PRODH2: variants seen among roughly 807,000 people sequenced by gnomAD.
The protein encoded by PRODH2 is proline dehydrogenase 2, also known as hydroxyproline dehydrogenase.
Under a neutral mutation model 51.9 loss-of-function variants are expected in PRODH2, and 49 were observed. The observed-to-expected ratio is 0.94, with a 90% confidence interval of 0.75 to 1.20. The LOEUF is 1.20. Ranked by LOEUF, PRODH2 falls within the 50% of genes most tolerant of loss-of-function variation. PRODH2 has a pLI of 0.00. For missense variants in PRODH2, 597 were observed against 610.9 expected (o/e 0.98, Z 0.24); for synonymous variants, 249 against 260.7 (o/e 0.96, Z 0.43).
Position 35,802,218 on chromosome 19 carries a change from T to A in PRODH2, c.1171A>T (p.Met391Leu). The A allele has an allele frequency of 1.2e-6, 2 of 1,614,134 alleles. No homozygotes were observed. The highest frequency in any genetic ancestry group is 8.5e-7 in the Non-Finnish European group (1 of 1,180,034). ...AGTGCTAGAGAGACGTGGTCACACA[T>A]GCCCAGAAGTTGTCCGAAACAGACA... The part of the protein sequence containing the change: ...GTVCFGQLLG[M>L]CDHVSLALGQ... Residue 391 changes from methionine to leucine, a missense_variant, in exon 9 of 10, where the codon ATG becomes TTG. Transcript: ENST00000653904.
chr19:35,800,362 C>T (rs1972401543), intron 9 of PRODH2, 140 bp from the exon 10 acceptor site: 1 of 748,298 alleles, frequency 1.3e-6, no homozygotes, highest in Non-Finnish European at 2.0e-6. Flanking sequence ...GATTCTCATG[C>T]CTCAGCCTCC....
chr19:35,801,207 G>A (rs1339034624), intron 9 of PRODH2, among the ~76,000 whole-genome samples: 1 of 152,082 alleles, frequency 6.6e-6, no homozygotes, highest in Non-Finnish European at 1.5e-5. Flanking sequence ...GCTCACGCCT[G>A]TAATCCCAGC....
intron 4 of PRODH2, among the ~76,000 whole-genome samples, chr19:35,808,447 G>A (rs371377188): frequency 2.6e-4 from 40 of 152,250 alleles, no homozygotes; most frequent in Middle Eastern, 3.4e-3. Flanking sequence ...CCTTCCGCAT[G>A]GTGGGGAGAA....
At position 35,802,182 on chromosome 19, in the gene PRODH2, T is replaced by C; in HGVS notation, c.1198+9A>G. The C allele has an allele frequency of 6.2e-7, 1 of 1,613,506 alleles. No individual in the cohort carries two copies. Among genetic ancestry groups the C allele is most frequent in the Non-Finnish European group, 8.5e-7 (1 of 1,179,604 alleles). On this transcript the variant is annotated intron_variant, in intron 9 of 9. Transcript: ENST00000653904. The stretch of plus-strand genomic sequence containing the variant: ...GGGCTTGATGGGGGTGGGGGAGCCA[T>C]TCACATACCCAGTGCTAGAGAGACG...
rs111898518 is a variant in PRODH2 at position 35,804,263 on chromosome 19, C to T, written c.1002-1185G>A. Among the ~76,000 whole-genome samples the T allele has an allele frequency of 3.9e-3, 597 of 152,278 alleles. 3 individuals carry two copies. The highest frequency in any genetic ancestry group is 0.014 in the Middle Eastern group (4 of 294). On this transcript the variant is annotated intron_variant, in intron 7 of 9. Transcript: ENST00000653904. ...AGTGCAGTGGCGTGATCTCGGCTCACGGAATCCTCCAACTCCTGGGCTCAA... is the reference window on the plus strand; with the variant it reads ...AGTGCAGTGGCGTGATCTCGGCTCATGGAATCCTCCAACTCCTGGGCTCAA...
chr19:35,812,176 G>A lies in PRODH2; in HGVS notation c.468C>T (p.Leu156=), dbSNP rs762865720. 2.5e-6 allele frequency: 4 copies of A among 1,614,172 alleles called. No homozygotes were observed. The South Asian group carries it at 4.4e-5, about 18-fold the overall frequency. The change falls in exon 3 of 10, where the codon CTC becomes CTT. Residue 156 remains leucine (L), a synonymous_variant. Transcript: ENST00000653904. ...TCAGCGCCGTCACCTTCAGCTGCAT[G>A]AGGCTGGCCTCAGCCAGGCTGGGGG... ...LEPPSLAEAS[L]MQLKVTALTS...
intron 4 of PRODH2, among the ~76,000 whole-genome samples, chr19:35,808,537 G>C (rs892964153): frequency 6.6e-6 from 1 of 151,992 alleles, no homozygotes; most frequent in African/African-American, 2.4e-5. Flanking sequence ...TCTCCTGCTT[G>C]ACTTGGGGCG....
At chr19:35,800,412 C>T (rs901609235) in intron 9 of PRODH2, among the ~76,000 whole-genome samples, 190 bp from the exon 10 acceptor site, 1 of 152,150 alleles carries the variant, frequency 6.6e-6, no homozygotes, top group East Asian at 1.9e-4. Context: ...CGACGCCCGG[C>T]TCATTTTTGT....
chr19:35,812,024 T>G lies in PRODH2; in HGVS notation c.535A>C (p.Arg179=), dbSNP rs764683391. The G allele has an allele frequency of 6.2e-7, 1 of 1,614,200 alleles. No individual in the cohort carries two copies. Among genetic ancestry groups the G allele is most frequent in the African/African-American group, 1.3e-5 (1 of 75,062 alleles). ...LCKELASWVR[R]PGASLELSPE... ...CTCAGCTCCAAGGAGGCTCCTGGCC[T>G]TCTGACCCACGAGGCTAGCTCCTTC... Residue 179 remains arginine, a synonymous_variant, in exon 4 of 10, where the codon AGG becomes CGG. Transcript: ENST00000653904.
intron 4 of PRODH2, among the ~76,000 whole-genome samples, chr19:35,808,707 G>A (rs1012138180): frequency 1.3e-5 from 2 of 152,042 alleles, no homozygotes; most frequent in Non-Finnish European, 2.9e-5. Context: ...AAGTCACACA[G>A]CTAACTCAGG....
chr19:35,809,262 T>A (rs575081330), intron 4 of PRODH2, among the ~76,000 whole-genome samples: 1 of 152,188 alleles, frequency 6.6e-6, no homozygotes, highest in East Asian at 1.9e-4. Flanking sequence ...CCCAGCTAAT[T>A]TAAAGGAATT....
chr19:35,811,496 AGAAG>A (rs1260693026), intron 4 of PRODH2, among the ~76,000 whole-genome samples: 5 of 147,040 alleles, frequency 3.4e-5, no homozygotes, highest in South Asian at 4.3e-4. Flanking sequence ...GAAAAAGAAA[AGAAG>A]GAAGGAAGGA....
intron 4 of PRODH2, among the ~76,000 whole-genome samples, chr19:35,810,290 T>TAATAATAAA (rs975970958): frequency 7.2e-6 from 1 of 137,986 alleles, no homozygotes; most frequent in African/African-American, 2.8e-5. Context: ...ATAATAATAA[T>TAATAATAAA]AAATAAATAG....
At chr19:35,811,840 G>A in intron 4 of PRODH2, 122 bp downstream of exon 4, 1 of 935,936 alleles carries the variant, frequency 1.1e-6, no homozygotes, top group Non-Finnish European at 1.6e-6. Context: ...AGCTACAGCT[G>A]CACTTCTGCT....
chr19:35,801,963 A>C, intron 9 of PRODH2: 1 of 556,488 alleles, frequency 1.8e-6, no homozygotes, highest in Non-Finnish European at 3.2e-6. Flanking sequence ...GGAGCAGCAC[A>C]GTAAAGATAA....
rs769304962 is a variant in PRODH2, at chr19:35,812,567, G to T, written c.175-11C>A. 6.2e-7 allele frequency: 1 copy of T among 1,612,522 alleles called. No homozygotes were observed. The highest frequency in any genetic ancestry group is 8.5e-7 in the Non-Finnish European group (1 of 1,179,006). On this transcript the variant is annotated splice_polypyrimidine_tract_variant and intron_variant, in intron 1 of 9. Coordinates refer to ENST00000653904, the MANE Select transcript of PRODH2 (RefSeq NM_021232.2). Reference sequence around the variant, plus strand: ...AGACCAGGCCTGGAGCTGGGTGACAGGGAGCGAGGGCTCAGCGCCAGGCTA... The same window carrying T: ...AGACCAGGCCTGGAGCTGGGTGACATGGAGCGAGGGCTCAGCGCCAGGCTA...
chr19:35,805,386 C>T (rs980030394), intron 7 of PRODH2, among the ~76,000 whole-genome samples: 1 of 152,060 alleles, frequency 6.6e-6, no homozygotes, highest in Admixed American at 6.6e-5. Flanking sequence ...CCTTCCTCAG[C>T]CTCCCAAGTA....
At chr19:35,807,412 C>T (rs999690994) in intron 4 of PRODH2, among the ~76,000 whole-genome samples, 1 of 151,986 alleles carries the variant, frequency 6.6e-6, no homozygotes, top group Non-Finnish European at 1.5e-5. Flanking sequence ...AAGTGATTCT[C>T]CTGCTTCAGC....
chr19:35,809,147 TCCTC>T (rs1183506007), intron 4 of PRODH2, among the ~76,000 whole-genome samples: 8 of 150,984 alleles, frequency 5.3e-5, no homozygotes, highest in Non-Finnish European at 1.2e-4. Flanking sequence ...CTTCCTTCCT[TCCTC>T]CCTCCCTCTC....
Sources: gnomAD v4.1 joint callset for allele counts (sites outside exome capture counted in the v4.1 genomes callset) on GRCh38, gnomAD v4.1.1 for gene constraint, MANE v1.5 for transcripts, NCBI Gene and HGNC (gene_info 2026-07-23, HGNC 2026-07-21) for gene names.